The following NR2C2 variants were observed in gnomAD, a reference collection of about 807,000 sequenced individuals.
NR2C2 encodes the protein Nuclear hormone receptor TR4.
Under a neutral mutation model 62.9 loss-of-function variants are expected in NR2C2, and 6 were observed. The ratio of observed to expected loss-of-function variants is 0.10; its 90% CI spans 0.05 to 0.19. The LOEUF (loss-of-function observed/expected upper bound fraction) is 0.19, where lower values mean the gene tolerates loss of function less well. NR2C2 is among the 10% of genes least tolerant of loss of function. The probability of loss-of-function intolerance (pLI) is 1.00; values close to 1 mark genes in which losing one functional copy is unlikely to be tolerated. For missense variants in NR2C2, 479 were observed against 762.7 expected (o/e 0.63, Z 4.38); for synonymous variants, 272 against 273.8 (o/e 0.99, Z 0.07).
chr3:15,037,553 G>C (rs920706518), intron 11 of NR2C2, among the ~76,000 whole-genome samples: 4 of 152,216 alleles, frequency 2.6e-5, no homozygotes, highest in African/African-American at 4.8e-5. Context: ...AGTTCAGCCT[G>C]GGCAACATAG....
chr3:15,014,151 G>C (rs1332948476), intron 3 of NR2C2, among the ~76,000 whole-genome samples: 1 of 152,192 alleles, frequency 6.6e-6, no homozygotes, highest in Non-Finnish European at 1.5e-5. Context: ...AGCCAGGCGA[G>C]AACCGACTTG....
chr3:14,969,244 C>CTTTTT (rs35048015), intron 1 of NR2C2, among the ~76,000 whole-genome samples: 1 of 125,812 alleles, frequency 7.9e-6, no homozygotes, highest in Non-Finnish European at 1.7e-5. Context: ...AATAAAGATT[C>CTTTTT]TTTTTTTTTT....
intron 4 of NR2C2, among the ~76,000 whole-genome samples, chr3:15,016,953 G>T (rs906455961): frequency 2.0e-5 from 3 of 152,170 alleles, no homozygotes; most frequent in African/African-American, 7.2e-5. Context: ...TCCATAGAAG[G>T]TTAGTGAGGC....
intron 1 of NR2C2, among the ~76,000 whole-genome samples, chr3:14,993,219 C>T (rs1559551103): frequency 6.6e-6 from 1 of 152,076 alleles, no homozygotes; most frequent in Non-Finnish European, 1.5e-5. Context: ...TTTGGGAGGC[C>T]AAGACAGGCG....
intron 1 of NR2C2, among the ~76,000 whole-genome samples, chr3:14,961,157 A>T (rs77180607): frequency 0.041 from 6,222 of 152,192 alleles, 440 homozygotes; most frequent in African/African-American, 0.14. Flanking sequence ...GGTCTTTCAT[A>T]TTTGTCAGTC....
At chr3:15,041,611 T>A (rs981711813) in intron 13 of NR2C2, among the ~76,000 whole-genome samples, 3 of 152,198 alleles carry the variant, frequency 2.0e-5, no homozygotes, top group Non-Finnish European at 2.9e-5. Flanking sequence ...TCCAACACTT[T>A]GGGACACTGA....
intron 1 of NR2C2, chr3:14,948,848 T>A (rs2125188640): frequency 6.6e-6 from 1 of 152,330 alleles, no homozygotes; most frequent in Non-Finnish European, 1.5e-5. Context: ...CTAATGAGGC[T>A]CAATTTTATC....
At chr3:15,017,426 A>G (rs1227238927) in intron 4 of NR2C2, among the ~76,000 whole-genome samples, 1 of 152,186 alleles carries the variant, frequency 6.6e-6, no homozygotes, top group African/African-American at 2.4e-5. Flanking sequence ...TGTCTTCCCC[A>G]TCAGAATGTC....
chr3:15,022,789 G>A (rs1482509614), intron 5 of NR2C2, among the ~76,000 whole-genome samples: 1 of 152,190 alleles, frequency 6.6e-6, no homozygotes, highest in African/African-American at 2.4e-5. Flanking sequence ...ACTTTGGCAG[G>A]CTGGGGCGAG....
chr3:14,962,734 C>T (rs182532292), intron 1 of NR2C2, among the ~76,000 whole-genome samples: 4 of 150,600 alleles, frequency 2.7e-5, no homozygotes, highest in Admixed American at 1.3e-4. Context: ...TACTTTAAAC[C>T]GAAAACTAGT....
chr3:14,985,723 C>T (rs2040496846), intron 1 of NR2C2, among the ~76,000 whole-genome samples: 1 of 152,136 alleles, frequency 6.6e-6, no homozygotes, highest in Non-Finnish European at 1.5e-5. Flanking sequence ...ATTTATTTAG[C>T]TACTCCTCTA....
At chr3:14,994,448 T>TG (rs1487389543) in intron 1 of NR2C2, among the ~76,000 whole-genome samples, 59 of 141,038 alleles carry the variant, frequency 4.2e-4, no homozygotes, top group African/African-American at 1.6e-3. Context: ...TCTTTTTTTT[T>TG]TTTTTTTTTT....
chr3:15,040,121 C>G (rs1049611145), intron 13 of NR2C2, among the ~76,000 whole-genome samples: 2 of 151,624 alleles, frequency 1.3e-5, no homozygotes, highest in African/African-American at 4.8e-5. Flanking sequence ...GATCACGCCA[C>G]TGCACTCCAG....
At position 15,038,574 on chromosome 3, in the gene NR2C2, G is replaced by T. The variant is rs144973907; in HGVS notation, c.1510+437G>T. The stretch of plus-strand genomic sequence containing the variant: ...GCAGAGCATGCTAAAAGGTATGTTC[G>T]CAGGAGATGAAGAGGCAGCAATCAC... On this transcript the variant is annotated intron_variant, in intron 12 of 13. Transcript: ENST00000425241. 113 of 165,194 alleles carry T rather than the reference G, an allele frequency of 6.8e-4. No individual in the cohort carries two copies. In the East Asian group the frequency reaches 0.016, roughly 24 times the overall value. 10.2% of individuals were successfully genotyped at this position (165,194 alleles called of 1,614,324 possible). A position where few individuals can be genotyped will look rare whatever the true frequency, so the allele number is the denominator to read the frequency against.
intron 1 of NR2C2, among the ~76,000 whole-genome samples, chr3:14,955,692 C>A (rs1195785666): frequency 6.6e-6 from 1 of 152,166 alleles, no homozygotes; most frequent in Non-Finnish European, 1.5e-5. Flanking sequence ...ATTTAAAGCA[C>A]ATTGTGGATG....
chr3:15,030,528 T>C lies in NR2C2; in HGVS notation c.1110+76T>C, dbSNP rs1003431171. ...TCTGTACCAAAGCCGATCTGCAGTT[T>C]TAAAAATCAAACCTTGGGGCCAGGC... On this transcript the variant is annotated intron_variant, in intron 9 of 13. Coordinates refer to ENST00000425241, the MANE Select transcript of NR2C2 (RefSeq NM_001291694.2). 1.0e-5 allele frequency: 15 copies of C among 1,430,368 alleles called. No individual in the cohort carries two copies. The African/African-American group carries it at 2.1e-4, about 20-fold the overall frequency. 88.6% of individuals were successfully genotyped at this position (1,430,368 alleles called of 1,614,324 possible). A position where few individuals can be genotyped will look rare whatever the true frequency, so the allele number is the denominator to read the frequency against.
chr3:15,007,468 G>T (rs2041217748), intron 2 of NR2C2, among the ~76,000 whole-genome samples: 2 of 152,094 alleles, frequency 1.3e-5, no homozygotes, highest in South Asian at 2.1e-4. Flanking sequence ...TTGTTATTCA[G>T]GGTTACCCCA....
intron 1 of NR2C2, among the ~76,000 whole-genome samples, chr3:14,973,376 C>T (rs1447020858): frequency 2.6e-5 from 4 of 151,812 alleles, no homozygotes; most frequent in African/African-American, 7.3e-5. Flanking sequence ...TACAGGTGTA[C>T]ACTACCATGC....
intron 13 of NR2C2, among the ~76,000 whole-genome samples, chr3:15,039,871 C>T (rs1041285866): frequency 3.9e-5 from 6 of 152,126 alleles, no homozygotes; most frequent in African/African-American, 1.4e-4. Flanking sequence ...AAAATTAGGA[C>T]CGGGCACGGT....
Sources: allele counts gnomAD v4.1 joint callset (sites outside exome capture counted in the v4.1 genomes callset), GRCh38; gene constraint gnomAD v4.1.1; transcripts MANE v1.5; gene names NCBI Gene and HGNC (gene_info 2026-07-23, HGNC 2026-07-21).